Variants in APBB2 observed in about 807,000 individuals in gnomAD.
APBB2 encodes amyloid beta precursor protein binding family B member 2.
In APBB2, 38 loss-of-function variants were observed where a neutral mutation model predicts 82.5. The observed-to-expected ratio is 0.46, with a 90% CI of 0.36 to 0.60. The LOEUF is 0.60. APBB2 is among the 20% of genes least tolerant of loss of function. APBB2 has a pLI of 0.00. For missense variants in APBB2, 772 were observed against 972.3 expected, an observed-to-expected ratio of 0.79 and a Z score of 2.74; for synonymous variants, 341 against 368.2, an observed-to-expected ratio of 0.93 and a Z score of 0.85.
intron 6 of APBB2, among the ~76,000 whole-genome samples, chr4:40,972,647 C>A (rs62410359): frequency 0.054 from 8,275 of 152,244 alleles, 302 homozygotes; most frequent in South Asian, 0.097. Flanking sequence ...TAGAAGTAAA[C>A]AGAGGCAACC....
intron 6 of APBB2, among the ~76,000 whole-genome samples, chr4:40,983,261 CT>C (rs1235668831): frequency 6.6e-6 from 1 of 152,198 alleles, no homozygotes; most frequent in African/African-American, 2.4e-5. Context: ...GGCCTGTGCT[CT>C]TAACCATCAC....
intron 4 of APBB2, among the ~76,000 whole-genome samples, chr4:41,057,860 C>T (rs1728375673): frequency 6.6e-6 from 1 of 152,134 alleles, no homozygotes. Flanking sequence ...TGGGGCATTT[C>T]CTCCCCGCTC....
intron 1 of APBB2, among the ~76,000 whole-genome samples, chr4:41,195,342 C>T: frequency 2.0e-5 from 3 of 151,808 alleles, no homozygotes; most frequent in Admixed American, 6.5e-5. Context: ...GACTAAGATC[C>T]TCAGAATTGT....
chr4:41,177,019 ATG>A (rs1441621249), intron 1 of APBB2, among the ~76,000 whole-genome samples: 1 of 151,498 alleles, frequency 6.6e-6, no homozygotes, highest in African/African-American at 2.4e-5. Context: ...AAAATGAGCA[ATG>A]TCTAAATAGG....
intron 6 of APBB2, among the ~76,000 whole-genome samples, chr4:40,972,100 A>G (rs1014444870): frequency 6.6e-6 from 1 of 152,186 alleles, no homozygotes; most frequent in Non-Finnish European, 1.5e-5. Context: ...TTACTGCTCA[A>G]TTTTATACAG....
At chr4:41,204,115 C>T (rs575648103) in intron 1 of APBB2, among the ~76,000 whole-genome samples, 9 of 152,214 alleles carry the variant, frequency 5.9e-5, no homozygotes, top group East Asian at 5.8e-4. Flanking sequence ...GAGGGATGGT[C>T]GCAGGCAATG....
chr4:40,995,128 G>C (rs1045357810), intron 6 of APBB2, among the ~76,000 whole-genome samples: 1 of 152,004 alleles, frequency 6.6e-6, no homozygotes, highest in Non-Finnish European at 1.5e-5. Context: ...ACACCCCTTT[G>C]GCTGAAACCA....
At chr4:41,173,034 T>A (rs541389000) in intron 1 of APBB2, among the ~76,000 whole-genome samples, 3 of 152,336 alleles carry the variant, frequency 2.0e-5, no homozygotes, top group African/African-American at 7.2e-5. Context: ...TCATCTTCTC[T>A]TTCAAAATTC....
intron 1 of APBB2, among the ~76,000 whole-genome samples, chr4:41,192,503 G>T (rs557965791): frequency 6.6e-6 from 1 of 152,074 alleles, no homozygotes; most frequent in African/African-American, 2.4e-5. Context: ...GACGAACCTA[G>T]AAGATATTAT....
At position 41,167,082 on chromosome 4, in the gene APBB2, T is replaced by A. The variant is rs553535443; in HGVS notation, c.-416-23940A>T. Among the ~76,000 whole-genome samples, 3 of 152,162 alleles carry A rather than the reference T, an allele frequency of 2.0e-5. No individual in the cohort carries two copies. In the East Asian group the frequency reaches 5.8e-4, roughly 29 times the overall value. On this transcript the variant is annotated intron_variant, in intron 1 of 17. Coordinates refer to ENST00000508593, the MANE Select transcript of APBB2 (RefSeq NM_004307.2). Reference sequence around the variant, plus strand: ...CTCATAGAACCCAGGAAGACACTTATGTTTCTTTGCATATACATAAAGGTT... The same window carrying A: ...CTCATAGAACCCAGGAAGACACTTAAGTTTCTTTGCATATACATAAAGGTT...
chr4:41,163,470 G>C lies in APBB2; in HGVS notation c.-416-20328C>G, dbSNP rs538504722. On this transcript the variant is annotated intron_variant, in intron 1 of 17. Coordinates refer to ENST00000508593, the MANE Select transcript of APBB2 (RefSeq NM_004307.2). ...ATCAACTGAATACCTGGGGCCAGGA[G>C]GCAGGAGGAGTAAAAGATAATATAA... Among the ~76,000 whole-genome samples, 7 of 152,306 alleles carry C rather than the reference G, an allele frequency of 4.6e-5. No homozygotes were observed. In the South Asian group the frequency reaches 1.5e-3, roughly 32 times the overall value.
At chr4:40,870,807 A>T (rs549690890) in intron 12 of APBB2, among the ~76,000 whole-genome samples, 8 of 143,552 alleles carry the variant, frequency 5.6e-5, no homozygotes, top group African/African-American at 2.1e-4. Context: ...ATCCCGGCTC[A>T]CTGCAAACTC....
At chr4:40,902,993 A>G (rs1775745672) in intron 10 of APBB2, among the ~76,000 whole-genome samples, 1 of 152,142 alleles carries the variant, frequency 6.6e-6, no homozygotes, top group African/African-American at 2.4e-5. Context: ...ATTTTTTTTA[A>G]TTAGCCAGAC....
chr4:40,934,811 G>A (rs1425765183), intron 8 of APBB2, 112 bp from the exon 9 acceptor site: 8 of 812,038 alleles, frequency 9.9e-6, no homozygotes, highest in Non-Finnish European at 1.4e-5. Flanking sequence ...GTGTACGTGA[G>A]CTTAGGCAGA....
intron 10 of APBB2, among the ~76,000 whole-genome samples, chr4:40,909,298 G>A (rs1777914969): frequency 6.6e-6 from 1 of 152,166 alleles, no homozygotes. Context: ...TTTACGGAGA[G>A]AAACGCCAAG....
chr4:41,106,552 C>T (rs988392326), intron 2 of APBB2, among the ~76,000 whole-genome samples: 5 of 152,162 alleles, frequency 3.3e-5, no homozygotes, highest in Non-Finnish European at 5.9e-5. Flanking sequence ...CCTCAGCTCA[C>T]TGCAAGCTCC....
chr4:40,869,802 G>A (rs1338426442), intron 12 of APBB2, among the ~76,000 whole-genome samples: 4 of 151,744 alleles, frequency 2.6e-5, no homozygotes, highest in Non-Finnish European at 5.9e-5. Flanking sequence ...TTTCTTAACA[G>A]GCTTATTACC....
chr4:41,190,362 T>G (rs1774107269), intron 1 of APBB2, among the ~76,000 whole-genome samples: 1 of 149,556 alleles, frequency 6.7e-6, no homozygotes, highest in Admixed American at 6.7e-5. Context: ...AGCAATTCTC[T>G]GCCTCAGCCC....
Position 40,832,037 on chromosome 4 carries a change from CACACACACACACACAT to C in APBB2, c.1530-1476_1530-1461del, listed in dbSNP as rs1212811685. 2.0e-5 allele frequency among the ~76,000 whole-genome samples: 3 copies of C among 151,960 alleles called. No homozygotes were observed. The highest frequency in any genetic ancestry group is 2.1e-4 in the South Asian group (1 of 4,800). On this transcript the variant is annotated intron_variant, in intron 12 of 17. Coordinates refer to ENST00000508593, the MANE Select transcript of APBB2 (RefSeq NM_004307.2). The surrounding 1 kb of genome is among the most constrained non-coding windows in gnomAD (Gnocchi z 4.8). ...ATACACACACACACACACACACACA[CACACACACACACACAT>C]ATACACCAAGCTTTACCCATCTAGG...
Sources: allele counts gnomAD v4.1 joint callset (sites outside exome capture counted in the v4.1 genomes callset), GRCh38; gene constraint gnomAD v4.1.1; non-coding constraint Gnocchi (gnomAD v3.1); transcripts MANE v1.5; gene names NCBI Gene and HGNC (gene_info 2026-07-23, HGNC 2026-07-21).